Variants in BMPER observed in about 807,000 individuals in gnomAD.
The protein encoded by BMPER is BMP-binding endothelial regulator protein.
BMPER carries 45 observed loss-of-function variants against 87.3 expected under a neutral mutation model. The ratio of observed to expected loss-of-function variants is 0.52; its 90% CI spans 0.41 to 0.66. The LOEUF (loss-of-function observed/expected upper bound fraction) is 0.66, where lower values mean the gene tolerates loss of function less well. BMPER is among the 30% of genes least tolerant of loss of function. The probability of loss-of-function intolerance (pLI) is 0.00; values close to 1 mark genes in which losing one functional copy is unlikely to be tolerated. For synonymous variants in BMPER, 326 were observed against 316.2 expected (o/e 1.03, Z -0.33); for missense variants, 784 against 867.5 (o/e 0.90, Z 1.21).
chr7:33,905,351 T>C (rs947318836), upstream of BMPER: 375 of 482,608 alleles, frequency 7.8e-4, 2 homozygotes, highest in Admixed American at 1.6e-3. Flanking sequence ...TGCAAGCAAC[T>C]CCCTCAGGAA....
chr7:34,031,882 CCATA>C (rs1339173895), intron 6 of BMPER, among the ~76,000 whole-genome samples: 4 of 64,140 alleles, frequency 6.2e-5, no homozygotes, highest in Admixed American at 2.1e-4. Context: ...ATTAATTTGA[CCATA>C]TATATATATA....
chr7:33,976,532 C>T (rs1213525805), intron 6 of BMPER, among the ~76,000 whole-genome samples: 1 of 152,092 alleles, frequency 6.6e-6, no homozygotes, highest in Non-Finnish European at 1.5e-5. Context: ...AATTTTATTT[C>T]TTCCATACTG....
chr7:34,097,886 C>G (rs928170015), intron 13 of BMPER, among the ~76,000 whole-genome samples: 4 of 152,000 alleles, frequency 2.6e-5, no homozygotes, highest in African/African-American at 9.7e-5. Flanking sequence ...CAAAGTAGGT[C>G]CCTGGTTAAA....
chr7:34,028,601 G>GTTTTTTTTCTTTTTTTTTT (rs1787427389), intron 6 of BMPER, among the ~76,000 whole-genome samples: 1 of 36,056 alleles, frequency 2.8e-5, no homozygotes, highest in Non-Finnish European at 5.1e-5. Flanking sequence ...CATTTTTTCT[G>GTTTTTTTTCTTTTTTTTTT]TTTTTTTTTT....
At chr7:34,078,545 TTCTTAGTTA>T (rs1788925702) in intron 11 of BMPER, among the ~76,000 whole-genome samples, 1 of 152,200 alleles carries the variant, frequency 6.6e-6, no homozygotes, top group Non-Finnish European at 1.5e-5. Context: ...GTAAGGCCAG[TTCTTAGTTA>T]TCTTAGTTCA....
intron 13 of BMPER, among the ~76,000 whole-genome samples, chr7:34,090,637 G>A (rs562465948): frequency 2.0e-5 from 3 of 152,292 alleles, no homozygotes; most frequent in South Asian, 2.1e-4. Context: ...TTTATTCCTT[G>A]TGCCTATGAA....
At chr7:34,129,618 G>GAA (rs1554322703) in intron 13 of BMPER, among the ~76,000 whole-genome samples, 665 of 52,102 alleles carry the variant, frequency 0.013, 12 homozygotes, top group South Asian at 0.02. Context: ...GAAAGAGAGA[G>GAA]AGAGAGAAAG....
At chr7:34,133,682 C>A (rs1790650059) in intron 13 of BMPER, among the ~76,000 whole-genome samples, 1 of 152,128 alleles carries the variant, frequency 6.6e-6, no homozygotes, top group Non-Finnish European at 1.5e-5. Flanking sequence ...AAGTGGGGAG[C>A]AGTGCTGTGG....
intron 13 of BMPER, among the ~76,000 whole-genome samples, chr7:34,129,577 G>GGAGA (rs759886152): frequency 0.014 from 667 of 47,742 alleles, 17 homozygotes; most frequent in East Asian, 0.026. Context: ...AAGGAAGGAA[G>GGAGA]GAGAGAGAGA....
At chr7:34,028,269 C>G (rs1298798518) in intron 6 of BMPER, among the ~76,000 whole-genome samples, 1 of 151,976 alleles carries the variant, frequency 6.6e-6, no homozygotes, top group African/African-American at 2.4e-5. Context: ...AAAACCATTC[C>G]ATACTTCTCA....
At chr7:33,922,227 C>A (rs1784250608) in intron 2 of BMPER, among the ~76,000 whole-genome samples, 1 of 152,184 alleles carries the variant, frequency 6.6e-6, no homozygotes, top group African/African-American at 2.4e-5. Context: ...GCCTGGCATT[C>A]CATTGTTCCA....
rs1179606292 is a variant in BMPER at position 34,154,025 on chromosome 7, A to C, written c.*752A>C. ...ATTTATATGTCATGTGTTGAAATTA[A>C]AGGGTGTCTGGATGCCATGTTAATT... is the stretch of plus-strand genomic sequence containing the variant. On this transcript the variant is annotated 3_prime_UTR_variant, in exon 15 of 15. Transcript: ENST00000649409. 6.6e-6 allele frequency: 1 copy of C among 152,636 alleles called. No individual in the cohort carries two copies. Among genetic ancestry groups the C allele is most frequent in the Non-Finnish European group, 1.5e-5 (1 of 68,046 alleles). The allele number at this position is 152,636 out of a possible 1,614,324, so 9.5% of individuals were successfully genotyped here.
At chr7:34,086,923 C>T (rs1394730658) in intron 13 of BMPER, among the ~76,000 whole-genome samples, 1 of 152,178 alleles carries the variant, frequency 6.6e-6, no homozygotes, top group African/African-American at 2.4e-5. Context: ...ACAAGATGAA[C>T]ACAGCCCAAA....
At chr7:34,118,229 C>T (rs1254572837) in intron 13 of BMPER, among the ~76,000 whole-genome samples, 19 of 151,724 alleles carry the variant, frequency 1.3e-4, no homozygotes, top group African/African-American at 3.6e-4. Context: ...CGCTTGAACC[C>T]GGGAGGCGGA....
intron 3 of BMPER, among the ~76,000 whole-genome samples, chr7:33,942,619 C>T (rs538546136): frequency 8.5e-5 from 13 of 152,252 alleles, no homozygotes; most frequent in South Asian, 4.1e-4. Context: ...GAGAGAGGGT[C>T]GGCCTCCCTG....
At chr7:33,988,950 A>AT (rs1786106453) in intron 6 of BMPER, among the ~76,000 whole-genome samples, 1 of 129,714 alleles carries the variant, frequency 7.7e-6, no homozygotes, top group Admixed American at 8.0e-5. Flanking sequence ...TGAACTCATC[A>AT]TTTTTTATGG....
chr7:34,137,552 T>C (rs1790751308), intron 13 of BMPER, among the ~76,000 whole-genome samples: 1 of 152,232 alleles, frequency 6.6e-6, no homozygotes, highest in Non-Finnish European at 1.5e-5. Flanking sequence ...AAAGAGATGA[T>C]GTTTCAAAGG....
intron 11 of BMPER, among the ~76,000 whole-genome samples, chr7:34,074,616 G>GT (rs1788816638): frequency 6.6e-6 from 1 of 152,148 alleles, no homozygotes. Context: ...TTAAAGCCGT[G>GT]TTTTTTTATG....
intron 11 of BMPER, among the ~76,000 whole-genome samples, chr7:34,063,418 A>G (rs1027022853): frequency 6.6e-6 from 1 of 151,774 alleles, no homozygotes; most frequent in Non-Finnish European, 1.5e-5. Context: ...TTTATATAAA[A>G]CTATTAAATA....
Sources: gnomAD v4.1 joint callset for allele counts (sites outside exome capture counted in the v4.1 genomes callset) on GRCh38, gnomAD v4.1.1 for gene constraint, MANE v1.5 for transcripts, NCBI Gene and HGNC (gene_info 2026-07-23, HGNC 2026-07-21) for gene names.